The following NPAS2 variants were observed in gnomAD, a reference collection of about 807,000 sequenced individuals.
NPAS2 encodes neuronal PAS domain-containing protein 2.
Under a neutral mutation model 107.5 loss-of-function variants are expected in NPAS2, and 23 were observed. The ratio of observed to expected loss-of-function variants is 0.21; its 90% CI spans 0.15 to 0.30. The LOEUF (loss-of-function observed/expected upper bound fraction) is 0.30, where lower values mean the gene tolerates loss of function less well. Among genes scored for constraint, NPAS2 ranks in the 10% least tolerant of loss-of-function variants. The pLI is 1.00. For synonymous variants in NPAS2, 403 were observed against 417.5 expected (o/e 0.97, Z 0.42); for missense variants, 756 against 1,043.3 (o/e 0.72, Z 3.79).
chr2:100,856,882 G>T (rs1678605881), intron 1 of NPAS2, among the ~76,000 whole-genome samples: 2 of 152,156 alleles, frequency 1.3e-5, no homozygotes, highest in Non-Finnish European at 2.9e-5. Context: ...TTCAGAGCAG[G>T]TAGTAAGACA....
intron 1 of NPAS2, among the ~76,000 whole-genome samples, chr2:100,861,727 A>G (rs1313451091): frequency 6.6e-6 from 1 of 152,184 alleles, no homozygotes; most frequent in Non-Finnish European, 1.5e-5. Flanking sequence ...TGTGTCCTTC[A>G]ACTCATATTC....
intron 4 of NPAS2, chr2:100,934,725 T>C: frequency 1.1e-6 from 1 of 934,802 alleles, no homozygotes; most frequent in Non-Finnish European, 1.3e-6. Flanking sequence ...TTCTAGCATC[T>C]CCTCCCTGGT....
Position 100,925,304 on chromosome 2 carries a change from A to G in NPAS2, c.181+10A>G. 1 of 1,613,192 alleles carries G rather than the reference A, an allele frequency of 6.2e-7. No individual in the cohort carries two copies. The stretch of plus-strand genomic sequence containing the variant: ...TTGCAGAAACACAATGGTAAAGGTC[A>G]CCCTTCTCTCTGTTTTTTTTCCACC... On this transcript the variant is annotated intron_variant, in intron 3 of 20. Transcript: ENST00000335681.
At chr2:100,870,644 G>T (rs1160825484) in intron 1 of NPAS2, among the ~76,000 whole-genome samples, 1 of 152,128 alleles carries the variant, frequency 6.6e-6, no homozygotes, top group East Asian at 1.9e-4. Context: ...CTCCTGCCTT[G>T]GCCTCCCAAA....
intron 1 of NPAS2, among the ~76,000 whole-genome samples, chr2:100,881,685 CAAA>C (rs567511145): frequency 7.0e-6 from 1 of 142,440 alleles, no homozygotes; most frequent in Non-Finnish European, 1.5e-5. Flanking sequence ...GACTTCATCT[CAAA>C]AAAAAAAAAA....
intron 1 of NPAS2, chr2:100,878,160 G>A: frequency 4.1e-6 from 4 of 985,412 alleles, no homozygotes; most frequent in Non-Finnish European, 4.8e-6. Context: ...AGCCTCCAGG[G>A]ACCAGGTCAG....
At chr2:100,920,367 T>A (rs1195374652) in intron 2 of NPAS2, among the ~76,000 whole-genome samples, 1 of 152,214 alleles carries the variant, frequency 6.6e-6, no homozygotes, top group Non-Finnish European at 1.5e-5. Flanking sequence ...AATCATTCCA[T>A]GTTGTATATA....
chr2:100,836,212 A>G (rs1344545629), intron 1 of NPAS2, among the ~76,000 whole-genome samples: 1 of 152,166 alleles, frequency 6.6e-6, no homozygotes, highest in Non-Finnish European at 1.5e-5. Flanking sequence ...TCAATAAAGT[A>G]ATTTGATTGA....
rs1007559999 is a variant in NPAS2, at chr2:100,820,738, A to AG, written c.-23+327dup. ...TTTGGGGGTCCTCGGGGTGTCCGAC[A>AG]GGGTGGAGAAGGATCGTGCCCCAGG... is the stretch of plus-strand genomic sequence containing the variant. On this transcript the variant is annotated intron_variant, in intron 1 of 20. Transcript: ENST00000335681. This position sits in a 1 kb window ranked among gnomAD's most constrained non-coding sequence, Gnocchi z 5.6. Among the ~76,000 whole-genome samples the AG allele has an allele frequency of 5.7e-4, 87 of 152,278 alleles. 1 individual carries two copies. Among genetic ancestry groups the AG allele is most frequent in the African/African-American group, 2.0e-3 (83 of 41,572 alleles).
intron 11 of NPAS2, 107 bp from the exon 12 acceptor site, chr2:100,970,883 G>A (rs1417213146): frequency 3.4e-6 from 3 of 880,554 alleles, no homozygotes; most frequent in African/African-American, 1.7e-5. Flanking sequence ...GTTGTGGGGG[G>A]CAGGGGTTAC....
chr2:100,941,016 C>T (rs1327431053), intron 5 of NPAS2, among the ~76,000 whole-genome samples: 1 of 152,174 alleles, frequency 6.6e-6, no homozygotes, highest in African/African-American at 2.4e-5. Context: ...GGGTCCCCTC[C>T]CATGCCCCTT....
chr2:100,907,819 A>C (rs1360155547), intron 2 of NPAS2, among the ~76,000 whole-genome samples: 1 of 152,148 alleles, frequency 6.6e-6, no homozygotes, highest in East Asian at 1.9e-4. Flanking sequence ...AAATCCAGGG[A>C]GTATTAATTG....
rs534979315 is a variant in NPAS2, at chr2:100,842,080, C to T, written c.-23+21666C>T. ...GTTCATGCATGAGTGTGCATGTACG[C>T]GCACACACACACACACACACACACA... On this transcript the variant is annotated intron_variant, in intron 1 of 20. Coordinates refer to ENST00000335681, the MANE Select transcript of NPAS2 (RefSeq NM_002518.4). Among the ~76,000 whole-genome samples, 25 of 123,752 alleles carry T rather than the reference C, an allele frequency of 2.0e-4. 1 individual carries two copies. The South Asian group carries it at 2.3e-3, about 11-fold the overall frequency. 81.2% of individuals were successfully genotyped at this position (123,752 alleles called of 152,430 possible). A position where few individuals can be genotyped will look rare whatever the true frequency, so the allele number is the denominator to read the frequency against.
At chr2:100,993,836 A>C (rs1342263165) in intron 20 of NPAS2, 1 of 310,256 alleles carries the variant, frequency 3.2e-6, no homozygotes, top group Non-Finnish European at 5.8e-6. Flanking sequence ...CAGTTTTTAG[A>C]GCAAAAGTCG....
At chr2:100,827,817 A>G (rs534651832) in intron 1 of NPAS2, among the ~76,000 whole-genome samples, 2 of 152,314 alleles carry the variant, frequency 1.3e-5, no homozygotes, top group East Asian at 3.9e-4. Flanking sequence ...TTCCATGTCC[A>G]GTAGACATGG....
At position 100,990,323 on chromosome 2, in the gene NPAS2, C is replaced by G. The variant is rs1248479341; in HGVS notation, c.1895C>G (p.Ser632Cys). The G allele has an allele frequency of 6.2e-7, 1 of 1,614,048 alleles. No individual in the cohort carries two copies. Among genetic ancestry groups the G allele is most frequent in the Non-Finnish European group, 8.5e-7 (1 of 1,180,028 alleles). The stretch of plus-strand genomic sequence containing the variant: ...GGCCGCTCTGGAAGCAGCCTAGTGT[C>G]CCCGTTCAGCAGCGCCACAGCTGCG... ...SSGRSGSSLV[S>C]PFSSATAALP... The change falls in exon 18 of 21, where the codon TCC becomes TGC. Residue 632 changes from serine to cysteine, a missense_variant. Around this residue, in one of 4 missense-constraint regions of NPAS2, gnomAD observed 496 missense variants for 594.4 expected, o/e 0.83. Coordinates refer to ENST00000335681, the MANE Select transcript of NPAS2 (RefSeq NM_002518.4).
intron 7 of NPAS2, among the ~76,000 whole-genome samples, chr2:100,959,840 A>T (rs1448995000): frequency 6.6e-6 from 1 of 152,218 alleles, no homozygotes; most frequent in Non-Finnish European, 1.5e-5. Context: ...CTCTGATGAG[A>T]ATACTTAATT....
chr2:100,923,816 G>A (rs899890457), intron 2 of NPAS2, among the ~76,000 whole-genome samples: 2 of 152,228 alleles, frequency 1.3e-5, no homozygotes, highest in African/African-American at 4.8e-5. Flanking sequence ...TTGATGAAGG[G>A]CCTGTGGCGT....
chr2:100,852,043 A>AT (rs566483653), intron 1 of NPAS2, among the ~76,000 whole-genome samples: 417 of 152,284 alleles, frequency 2.7e-3, no homozygotes, highest in South Asian at 0.01. Context: ...TTGTGCTCCC[A>AT]TTTTGAACAG....
Sources: gnomAD v4.1 joint callset for allele counts (sites outside exome capture counted in the v4.1 genomes callset) on GRCh38, gnomAD v4.1.1 for gene constraint, gnomAD v4.1.1 regional missense constraint, Gnocchi (gnomAD v3.1) non-coding constraint, MANE v1.5 for transcripts, NCBI Gene and HGNC (gene_info 2026-07-23, HGNC 2026-07-21) for gene names.